NKAIN3: variants seen among roughly 807,000 people sequenced by gnomAD.
NKAIN3 encodes the protein sodium/potassium transporting ATPase interacting 3.
A neutral mutation model predicts 30.2 loss-of-function variants in NKAIN3; 25 were observed. The ratio of observed to expected loss-of-function variants is 0.83; its 90% CI spans 0.60 to 1.16. The LOEUF is 1.16. NKAIN3 is among the 50% of genes most tolerant of loss of function. NKAIN3 has a pLI of 0.00. For missense variants in NKAIN3, 225 were observed against 254.1 expected (o/e 0.89, Z 0.78); for synonymous variants, 91 against 89.6 (o/e 1.02, Z -0.09).
intron 1 of NKAIN3, among the ~76,000 whole-genome samples, chr8:62,337,566 G>A (rs1369922277): frequency 2.3e-5 from 1 of 43,800 alleles, no homozygotes; most frequent in Admixed American, 2.9e-4. Context: ...TTACTGTCAA[G>A]TATAGTACAT....
chr8:62,438,872 C>T (rs1204818947), intron 1 of NKAIN3, among the ~76,000 whole-genome samples: 2 of 152,082 alleles, frequency 1.3e-5, no homozygotes, highest in African/African-American at 2.4e-5. Context: ...CAGGAACAGC[C>T]ACTATTAAAA....
chr8:62,721,024 G>A (rs1419918971), intron 3 of NKAIN3, among the ~76,000 whole-genome samples: 3 of 152,198 alleles, frequency 2.0e-5, no homozygotes, highest in African/African-American at 4.8e-5. Flanking sequence ...CTGAGATGGT[G>A]TGAAACAGTG....
chr8:62,770,179 C>T (rs909344049), intron 4 of NKAIN3, among the ~76,000 whole-genome samples: 1 of 152,188 alleles, frequency 6.6e-6, no homozygotes, highest in Non-Finnish European at 1.5e-5. Flanking sequence ...CCAAGCTCTC[C>T]AAACATCCCT....
chr8:62,853,025 TGTTGACCTGTCTAATGTTGACAGTGGG>T (rs1819956398), intron 4 of NKAIN3, among the ~76,000 whole-genome samples: 1 of 152,090 alleles, frequency 6.6e-6, no homozygotes, highest in Non-Finnish European at 1.5e-5. Flanking sequence ...CATTCTGTCT[TGTTGACCTGTCTAATGTTGACAGTGGG>T]GTAACAAAGT....
chr8:62,506,476 C>CTTTTTTCTTTT (rs1807645023), intron 1 of NKAIN3, among the ~76,000 whole-genome samples: 1 of 98,438 alleles, frequency 1.0e-5, no homozygotes, highest in Admixed American at 1.2e-4. Flanking sequence ...TTCTTTCTTT[C>CTTTTTTCTTTT]TTTTTTTTTT....
At position 62,530,628 on chromosome 8, in the gene NKAIN3, A is replaced by ATTAT. The variant is rs934380168; in HGVS notation, c.55-48888_55-48885dup. Reference sequence around the variant, plus strand: ...TACATACGTATGTATGTATTTATTTATTATTTATTTATTTATTTATTTATT... The same window carrying ATTAT: ...TACATACGTATGTATGTATTTATTTATTATTTATTTATTTATTTATTTATTTATT... On this transcript the variant is annotated intron_variant, in intron 1 of 6. Coordinates refer to ENST00000623646, the MANE Select transcript of NKAIN3 (RefSeq NM_001304533.3). Among the ~76,000 whole-genome samples, 602 of 151,646 alleles carry ATTAT rather than the reference A, an allele frequency of 4.0e-3. 6 individuals carry two copies. Among genetic ancestry groups the ATTAT allele is most frequent in the Middle Eastern group, 0.02 (6 of 294 alleles).
intron 4 of NKAIN3, among the ~76,000 whole-genome samples, chr8:62,815,555 T>G (rs996314402): frequency 1.3e-5 from 2 of 152,160 alleles, no homozygotes; most frequent in Admixed American, 6.5e-5. Context: ...GGGATGCAAG[T>G]CTGGTTCAAT....
intron 1 of NKAIN3, among the ~76,000 whole-genome samples, chr8:62,321,197 G>T (rs981681458): frequency 2.6e-5 from 4 of 152,068 alleles, no homozygotes. Context: ...GTCCTTTAAG[G>T]ACTTCTCTGC....
intron 4 of NKAIN3, among the ~76,000 whole-genome samples, chr8:62,753,424 CAT>C (rs10546741): frequency 0.17 from 26,459 of 151,842 alleles, 2,485 homozygotes; most frequent in East Asian, 0.29. Context: ...ATTTGTATCA[CAT>C]GTGGCAAAGA....
At chr8:62,549,737 C>T (rs575150363) in intron 1 of NKAIN3, among the ~76,000 whole-genome samples, 1 of 151,852 alleles carries the variant, frequency 6.6e-6, no homozygotes, top group African/African-American at 2.4e-5. Context: ...CTTTTTCTCT[C>T]TTAAATAATC....
At chr8:62,788,454 A>G (rs897091804) in intron 4 of NKAIN3, among the ~76,000 whole-genome samples, 2 of 151,570 alleles carry the variant, frequency 1.3e-5, no homozygotes, top group East Asian at 1.9e-4. Context: ...AGATGAGTAG[A>G]TTGCAAAAAT....
intron 3 of NKAIN3, among the ~76,000 whole-genome samples, chr8:62,679,516 A>G (rs931975468): frequency 3.9e-5 from 6 of 152,170 alleles, no homozygotes; most frequent in African/African-American, 1.2e-4. Flanking sequence ...ATCTGAGACT[A>G]GGTATTTATA....
chr8:62,870,690 T>TATATATAGATATATATAG (rs1563604416), intron 4 of NKAIN3, among the ~76,000 whole-genome samples: 6 of 101,384 alleles, frequency 5.9e-5, no homozygotes, highest in South Asian at 3.0e-4. Flanking sequence ...TCTATATCTC[T>TATATATAGATATATATAG]CTATCTATAT....
intron 4 of NKAIN3, among the ~76,000 whole-genome samples, chr8:62,917,023 A>G (rs914136593): frequency 6.6e-6 from 1 of 151,760 alleles, no homozygotes; most frequent in Non-Finnish European, 1.5e-5. Context: ...CTTGGCTTCT[A>G]TAGCCAAAGT....
At chr8:62,375,506 C>G (rs1256221590) in intron 1 of NKAIN3, among the ~76,000 whole-genome samples, 1 of 152,120 alleles carries the variant, frequency 6.6e-6, no homozygotes, top group African/African-American at 2.4e-5. Flanking sequence ...ACTTAGTATC[C>G]ATGAGCCCAC....
At chr8:62,583,749 A>T (rs1426814740) in intron 2 of NKAIN3, among the ~76,000 whole-genome samples, 1 of 152,142 alleles carries the variant, frequency 6.6e-6, no homozygotes, top group Non-Finnish European at 1.5e-5. Context: ...ATAAGTTGTG[A>T]TATAGGAAAC....
downstream of NKAIN3, among the ~76,000 whole-genome samples, chr8:62,986,349 T>A (rs139206785): frequency 6.6e-6 from 1 of 152,328 alleles, no homozygotes; most frequent in African/African-American, 2.4e-5. Context: ...AGAACAGTGA[T>A]AAGTGAAAAT....
At chr8:62,344,572 GA>G (rs1815865229) in intron 1 of NKAIN3, among the ~76,000 whole-genome samples, 1 of 152,030 alleles carries the variant, frequency 6.6e-6, no homozygotes, top group Admixed American at 6.6e-5. Context: ...AGTGTATGTA[GA>G]AAAGCATACT....
chr8:62,311,857 C>T lies in NKAIN3; in HGVS notation c.54+62730C>T, dbSNP rs903673821. 6.0e-5 allele frequency among the ~76,000 whole-genome samples: 9 copies of T among 150,386 alleles called. 1 individual carries two copies. The highest frequency in any genetic ancestry group is 2.3e-4 in the African/African-American group (9 of 39,794). On this transcript the variant is annotated intron_variant, in intron 1 of 6. Transcript: ENST00000623646. ...ATCTGAACTCTAAATTCCATTCTCC[C>T]ACTCTGCAAAGTAAAAGGCTAACTC...
Sources: allele counts gnomAD v4.1 joint callset (sites outside exome capture counted in the v4.1 genomes callset), GRCh38; gene constraint gnomAD v4.1.1; transcripts MANE v1.5; gene names NCBI Gene and HGNC (gene_info 2026-07-23, HGNC 2026-07-21).